KIF6: variants seen among roughly 807,000 people sequenced by gnomAD.
The protein encoded by KIF6 is kinesin-like protein KIF6.
In KIF6, 106 loss-of-function variants were observed where a neutral mutation model predicts 112.7. The ratio of observed to expected loss-of-function variants is 0.94; its 90% CI spans 0.80 to 1.11. The LOEUF is 1.11. Among genes scored for constraint, KIF6 ranks in the 50% least tolerant of loss-of-function variants. KIF6 has a pLI of 0.00. For synonymous variants in KIF6, 339 were observed against 339.9 expected, an observed-to-expected ratio of 1.00 and a Z score of 0.03; for missense variants, 929 against 964.0, an observed-to-expected ratio of 0.96 and a Z score of 0.48.
chr6:39,484,296 G>C (rs1422282607), intron 13 of KIF6, among the ~76,000 whole-genome samples: 1 of 152,178 alleles, frequency 6.6e-6, no homozygotes, highest in Non-Finnish European at 1.5e-5. Context: ...CCTGGTGTGA[G>C]ACACAAAGTA....
rs548571751 is a variant in KIF6, at chr6:39,536,369, A to G, written c.1645+3634T>C. 7.5e-3 allele frequency among the ~76,000 whole-genome samples: 1,141 copies of G among 152,332 alleles called. 14 individuals are homozygous for G. Among genetic ancestry groups the G allele is most frequent in the African/African-American group, 0.026 (1,061 of 41,566 alleles). ...AATAATCAAATAGATGCAATAAAAA[A>G]TGATAAAGGGGATATCACCACTGAT... On this transcript the variant is annotated intron_variant, in intron 13 of 22. Transcript: ENST00000287152.
At chr6:39,421,486 G>A (rs1338307402) in intron 14 of KIF6, among the ~76,000 whole-genome samples, 1 of 152,324 alleles carries the variant, frequency 6.6e-6, no homozygotes, top group East Asian at 1.9e-4. Flanking sequence ...TTAGTTGACT[G>A]GGATTGTGTT....
At chr6:39,587,772 G>A (rs1480166704) in intron 7 of KIF6, among the ~76,000 whole-genome samples, 2 of 152,022 alleles carry the variant, frequency 1.3e-5, no homozygotes, top group Non-Finnish European at 2.9e-5. Context: ...CTCCATCCTT[G>A]GCCTCATCTG....
At chr6:39,470,694 C>G (rs28533484) in intron 13 of KIF6, among the ~76,000 whole-genome samples, 9,403 of 151,274 alleles carry the variant, frequency 0.062, 492 homozygotes, top group East Asian at 0.25. Context: ...CATCTACTGA[C>G]AGCTGTTTCC....
intron 10 of KIF6, among the ~76,000 whole-genome samples, chr6:39,576,026 A>T (rs192773210): frequency 9.2e-5 from 14 of 152,270 alleles, no homozygotes; most frequent in Non-Finnish European, 1.8e-4. Context: ...CCTGCAGCAC[A>T]CTCAGTCTGA....
intron 5 of KIF6, among the ~76,000 whole-genome samples, chr6:39,621,234 T>TACACACAC (rs1477311569): frequency 0.012 from 838 of 70,402 alleles, 9 homozygotes; most frequent in African/African-American, 0.049. Flanking sequence ...CACACACACG[T>TACACACAC]ACACATATAT....
At chr6:39,482,707 A>G (rs1376778431) in intron 13 of KIF6, among the ~76,000 whole-genome samples, 2 of 152,198 alleles carry the variant, frequency 1.3e-5, no homozygotes, top group Non-Finnish European at 2.9e-5. Context: ...ACATTTGGAG[A>G]GCTGCCTCCC....
rs142551110 is a variant in KIF6 at position 39,357,155 on chromosome 6, G to A, written c.2180+122C>T. The A allele has an allele frequency of 2.2e-5, 14 of 633,046 alleles. No homozygotes were observed. In the African/African-American group the frequency reaches 2.4e-4, roughly 11 times the overall value. The allele number at this position is 633,046 out of a possible 1,614,324, so 39.2% of individuals were successfully genotyped here. A position where few individuals can be genotyped will look rare whatever the true frequency, so the allele number is the denominator to read the frequency against. On this transcript the variant is annotated intron_variant, in intron 19 of 22. Transcript: ENST00000287152. ...TCTACGACTAATTAAACAGTAAAAG[G>A]AATTAATCCTGCTGGATCATATGGC... is the stretch of plus-strand genomic sequence containing the variant.
rs555545294 is a variant in KIF6, at chr6:39,441,939, G to A, written c.1646-10778C>T. On this transcript the variant is annotated intron_variant, in intron 13 of 22. Coordinates refer to ENST00000287152, the MANE Select transcript of KIF6 (RefSeq NM_145027.6). ...CTGGCTTGGACCAGGCTGAAGCATG[G>A]TAGGCTTGGCAGGAGCTCTAGGGAG... Among the ~76,000 whole-genome samples, 13 of 152,230 alleles carry A rather than the reference G, an allele frequency of 8.5e-5. No homozygotes were observed. The South Asian group carries it at 1.0e-3, about 12-fold the overall frequency.
At chr6:39,435,198 T>A (rs1771437961) in intron 13 of KIF6, among the ~76,000 whole-genome samples, 1 of 152,132 alleles carries the variant, frequency 6.6e-6, no homozygotes, top group Non-Finnish European at 1.5e-5. Context: ...AATAGTAGAT[T>A]TACCCATGAG....
intron 13 of KIF6, among the ~76,000 whole-genome samples, chr6:39,498,455 G>C (rs1249299363): frequency 6.6e-6 from 1 of 152,098 alleles, no homozygotes; most frequent in Non-Finnish European, 1.5e-5. Flanking sequence ...AAAAAAGAAG[G>C]GTGGATGGCT....
intron 13 of KIF6, among the ~76,000 whole-genome samples, chr6:39,492,726 G>T (rs1775544497): frequency 1.3e-5 from 2 of 152,164 alleles, no homozygotes; most frequent in African/African-American, 4.8e-5. Flanking sequence ...TTATACATGT[G>T]TGGGGTGGTA....
intron 15 of KIF6, among the ~76,000 whole-genome samples, chr6:39,404,940 A>C (rs1280387965): frequency 3.3e-5 from 5 of 151,024 alleles, no homozygotes; most frequent in Admixed American, 3.3e-4. Context: ...GAATTACTAT[A>C]AATTATATAT....
intron 13 of KIF6, among the ~76,000 whole-genome samples, chr6:39,533,084 G>A (rs542762726): frequency 4.6e-5 from 7 of 152,332 alleles, no homozygotes; most frequent in Non-Finnish European, 7.3e-5. Context: ...CGTGAGCGAC[G>A]CAGAAGACGG....
At chr6:39,475,008 G>C (rs1774340189) in intron 13 of KIF6, among the ~76,000 whole-genome samples, 1 of 152,198 alleles carries the variant, frequency 6.6e-6, no homozygotes, top group Non-Finnish European at 1.5e-5. Flanking sequence ...TCTTTCTCTT[G>C]CATTTCTCAA....
At chr6:39,572,482 T>C (rs1000848248) in intron 10 of KIF6, among the ~76,000 whole-genome samples, 3 of 152,120 alleles carry the variant, frequency 2.0e-5, no homozygotes, top group Admixed American at 6.6e-5. Flanking sequence ...AGAAGACCTC[T>C]TTTTCTGTTA....
chr6:39,337,213 TTC>T (rs1208255477), intron 22 of KIF6, among the ~76,000 whole-genome samples: 3,863 of 118,356 alleles, frequency 0.033, 393 homozygotes, highest in African/African-American at 0.16. Context: ...CTTTCTTTCT[TTC>T]TTTCTTTCTT....
intron 14 of KIF6, among the ~76,000 whole-genome samples, chr6:39,424,337 A>G (rs560379604): frequency 3.9e-4 from 59 of 152,336 alleles, no homozygotes; most frequent in Admixed American, 3.1e-3. Flanking sequence ...CACTTCTGCC[A>G]TCATAAGCAG....
At chr6:39,354,171 T>A (rs1057262890) in intron 19 of KIF6, 2 of 320,630 alleles carry the variant, frequency 6.2e-6, no homozygotes, top group Non-Finnish European at 1.2e-5. Flanking sequence ...AACGGTGACC[T>A]GCTGGCTAGC....
Sources: gnomAD v4.1 joint callset for allele counts (sites outside exome capture counted in the v4.1 genomes callset) on GRCh38, gnomAD v4.1.1 for gene constraint, MANE v1.5 for transcripts, NCBI Gene and HGNC (gene_info 2026-07-23, HGNC 2026-07-21) for gene names.